The following RSRC1 variants were observed in gnomAD, a reference collection of about 807,000 sequenced individuals.
RSRC1 encodes the protein serine/Arginine-related protein 53.
A neutral mutation model predicts 49.1 loss-of-function variants in RSRC1; 39 were observed. The ratio of observed to expected loss-of-function variants is 0.79; its 90% CI spans 0.61 to 1.04. The LOEUF (loss-of-function observed/expected upper bound fraction) is 1.04, where lower values mean the gene tolerates loss of function less well. RSRC1 is among the 50% of genes least tolerant of loss of function. The pLI is 0.00. For synonymous variants in RSRC1, 143 were observed against 130.8 expected, an observed-to-expected ratio of 1.09 and a Z score of -0.63; for missense variants, 388 against 402.4, an observed-to-expected ratio of 0.96 and a Z score of 0.31.
At position 158,149,311 on chromosome 3, in the gene RSRC1, T is replaced by C. The variant is rs143503472; in HGVS notation, c.320+25320T>C. ...CTCAGTATATCCCACTTTACATTCC[T>C]GAGTGAGGGAATCTGATTGACTCAA... On this transcript the variant is annotated intron_variant, in intron 3 of 9. Coordinates refer to ENST00000611884, the MANE Select transcript of RSRC1 (RefSeq NM_001271838.2). Among the ~76,000 whole-genome samples, 26 of 152,334 alleles carry C rather than the reference T, an allele frequency of 1.7e-4. No homozygotes were observed. In the East Asian group the frequency reaches 4.4e-3, roughly 26 times the overall value.
At chr3:158,236,995 G>T (rs1723283820) in intron 4 of RSRC1, among the ~76,000 whole-genome samples, 1 of 151,960 alleles carries the variant, frequency 6.6e-6, no homozygotes, top group Non-Finnish European at 1.5e-5. Context: ...CTGGTTTTAG[G>T]TTACAGGAGG....
At chr3:158,423,084 G>T (rs1004375601) in intron 6 of RSRC1, among the ~76,000 whole-genome samples, 1 of 151,998 alleles carries the variant, frequency 6.6e-6, no homozygotes, top group African/African-American at 2.4e-5. Context: ...AGTTTAATGA[G>T]ATCCCATTTG....
At chr3:158,263,676 T>C (rs1208359982) in intron 4 of RSRC1, among the ~76,000 whole-genome samples, 3 of 152,194 alleles carry the variant, frequency 2.0e-5, no homozygotes, top group Non-Finnish European at 4.4e-5. Flanking sequence ...GAAAGGTTTT[T>C]AGCTACAAAT....
chr3:158,188,833 T>G (rs2108261723), intron 3 of RSRC1, among the ~76,000 whole-genome samples: 1 of 152,046 alleles, frequency 6.6e-6, no homozygotes, highest in Admixed American at 6.6e-5. Context: ...TTTTTGCTTC[T>G]TTTCTCTTTA....
intron 7 of RSRC1, among the ~76,000 whole-genome samples, chr3:158,514,298 A>G (rs1374749912): frequency 2.6e-5 from 4 of 152,056 alleles, no homozygotes; most frequent in South Asian, 2.1e-4. Flanking sequence ...ATGTGTCCCA[A>G]AGATTGTGGT....
At chr3:158,170,764 T>G (rs6441176) in intron 3 of RSRC1, among the ~76,000 whole-genome samples, 95,868 of 151,984 alleles carry the variant, frequency 0.63, 30,867 homozygotes, top group East Asian at 0.73. Flanking sequence ...GCCAGAGTGT[T>G]TAGGGGCAAT....
chr3:158,284,716 C>T (rs1726405249), intron 4 of RSRC1, among the ~76,000 whole-genome samples: 1 of 152,028 alleles, frequency 6.6e-6, no homozygotes, highest in African/African-American at 2.4e-5. Flanking sequence ...TGTTCACGTC[C>T]TTTGCCCACT....
intron 4 of RSRC1, among the ~76,000 whole-genome samples, chr3:158,250,925 G>A (rs879619274): frequency 3.9e-5 from 6 of 152,166 alleles, no homozygotes; most frequent in Non-Finnish European, 7.3e-5. Flanking sequence ...ACAATGTCCT[G>A]GAGAGTTTCT....
intron 6 of RSRC1, among the ~76,000 whole-genome samples, chr3:158,369,622 G>A (rs548327352): frequency 6.6e-6 from 1 of 152,116 alleles, no homozygotes; most frequent in African/African-American, 2.4e-5. Flanking sequence ...TGTGAGTACA[G>A]CATCTTCTCC....
intron 4 of RSRC1, among the ~76,000 whole-genome samples, chr3:158,262,997 A>G (rs1040399870): frequency 6.6e-6 from 1 of 152,048 alleles, no homozygotes; most frequent in African/African-American, 2.4e-5. Context: ...GACAGTTTTA[A>G]TTCTTTCCAG....
At chr3:158,456,945 A>G (rs896153000) in intron 6 of RSRC1, among the ~76,000 whole-genome samples, 1 of 152,134 alleles carries the variant, frequency 6.6e-6, no homozygotes, top group African/African-American at 2.4e-5. Context: ...GTGTGTGTAC[A>G]TGTGTGTATG....
At chr3:158,367,653 T>C (rs1731846022) in intron 6 of RSRC1, among the ~76,000 whole-genome samples, 1 of 152,218 alleles carries the variant, frequency 6.6e-6, no homozygotes, top group Non-Finnish European at 1.5e-5. Flanking sequence ...GATGCTGGCC[T>C]CATAAAATGA....
chr3:158,281,436 G>T (rs1726162870), intron 4 of RSRC1, among the ~76,000 whole-genome samples: 1 of 151,786 alleles, frequency 6.6e-6, no homozygotes, highest in Middle Eastern at 3.2e-3. Flanking sequence ...CGTATAGGTT[G>T]CTATTAATGC....
At chr3:158,387,183 A>G (rs922280995) in intron 6 of RSRC1, among the ~76,000 whole-genome samples, 4 of 152,136 alleles carry the variant, frequency 2.6e-5, no homozygotes, top group African/African-American at 9.7e-5. Flanking sequence ...ATTATCTTTG[A>G]TAAACCTGTC....
chr3:158,112,362 T>C (rs1714472959), intron 1 of RSRC1, among the ~76,000 whole-genome samples: 1 of 152,150 alleles, frequency 6.6e-6, no homozygotes, highest in Admixed American at 6.5e-5. Flanking sequence ...ATGCTGATGA[T>C]ATTATGGAAA....
At chr3:158,250,607 A>G (rs934623345) in intron 4 of RSRC1, among the ~76,000 whole-genome samples, 1 of 152,190 alleles carries the variant, frequency 6.6e-6, no homozygotes, top group Non-Finnish European at 1.5e-5. Flanking sequence ...TGTCACTTGT[A>G]TGTCTTCCTT....
At chr3:158,392,920 T>C (rs7640075) in intron 6 of RSRC1, among the ~76,000 whole-genome samples, 33,344 of 151,844 alleles carry the variant, frequency 0.22, 4,263 homozygotes, top group Non-Finnish European at 0.29. Flanking sequence ...AATTGACCAG[T>C]CAGCCATAAG....
At position 158,229,106 on chromosome 3, in the gene RSRC1, ATG is replaced by A. The variant is rs1416918290; in HGVS notation, c.494+25865_494+25866del. ...TGTGTATAAACACACATACGTGTAT[ATG>A]TGTATATAAACATACGTGTATATGT... On this transcript the variant is annotated intron_variant, in intron 4 of 9. Transcript: ENST00000611884. 1.3e-5 allele frequency among the ~76,000 whole-genome samples: 2 copies of A among 151,156 alleles called. 1 individual carries two copies. Among genetic ancestry groups the A allele is most frequent in the African/African-American group, 4.8e-5 (2 of 41,272 alleles).
intron 4 of RSRC1, among the ~76,000 whole-genome samples, chr3:158,291,865 T>G (rs1726954390): frequency 6.6e-6 from 1 of 152,240 alleles, no homozygotes; most frequent in Non-Finnish European, 1.5e-5. Context: ...TAAAAAATCT[T>G]AGTGTTTTTG....
Sources: gnomAD v4.1 joint callset for allele counts (sites outside exome capture counted in the v4.1 genomes callset) on GRCh38, gnomAD v4.1.1 for gene constraint, MANE v1.5 for transcripts, NCBI Gene and HGNC (gene_info 2026-07-23, HGNC 2026-07-21) for gene names.